The following NLGN3 variants were observed in gnomAD, a reference collection of about 807,000 sequenced individuals.
NLGN3 encodes neuroligin 3.
In NLGN3, 11 loss-of-function variants were observed where a neutral mutation model predicts 42.9. That is an observed-to-expected ratio of 0.26 (90% confidence interval 0.16 to 0.42). The LOEUF (loss-of-function observed/expected upper bound fraction) is 0.42. NLGN3 is among the 10% of genes least tolerant of loss of function. The probability of loss-of-function intolerance (pLI) is 1.00; values close to 1 mark genes in which losing one functional copy is unlikely to be tolerated. For missense variants in NLGN3, 374 were observed against 733.8 expected, an observed-to-expected ratio of 0.51 and a Z score of 5.67; for synonymous variants, 279 against 312.7, an observed-to-expected ratio of 0.89 and a Z score of 1.14.
rs774076850 is a variant in NLGN3 at position 71,148,920 on chromosome X, G to A, written c.517+15G>A. On this transcript the variant is annotated intron_variant, in intron 3 of 7. Coordinates refer to ENST00000358741, the MANE Select transcript of NLGN3 (RefSeq NM_181303.2). Reference sequence around the variant, plus strand: ...TAGGAAAGGAGGTAGGTAGCGAGCCGGCGGGGAGGGAGAGAGAGAGAGAGG... The same window carrying A: ...TAGGAAAGGAGGTAGGTAGCGAGCCAGCGGGGAGGGAGAGAGAGAGAGAGG... 5 of 1,030,287 alleles carry A rather than the reference G, an allele frequency of 4.9e-6. No homozygotes were observed. In the East Asian group the frequency reaches 1.1e-4, roughly 22 times the overall value. 84.9% of individuals were successfully genotyped at this position (1,030,287 alleles called of 1,213,427 possible).
chrX:71,155,419 A>G (rs1569484369), intron 5 of NLGN3, 56 bp downstream of exon 5: 1 of 1,169,637 alleles, frequency 8.5e-7, no homozygotes, highest in East Asian at 3.0e-5. Flanking sequence ...GGGGGGAGGA[A>G]AGAATGCTGG....
At chrX:71,147,040 GTC>G (rs757711046) in intron 1 of NLGN3, among the ~76,000 whole-genome samples, 1 of 111,406 alleles carries the variant, frequency 9.0e-6, no homozygotes, top group Non-Finnish European at 1.9e-5. Flanking sequence ...GGGTGAGGGA[GTC>G]TCTCTGTGGG....
chrX:71,148,184 C>T lies in NLGN3; in HGVS notation c.435C>T (p.Asn145=), dbSNP rs771275997. Residue 145 remains asparagine, a synonymous_variant, in exon 2 of 8, where the codon AAC becomes AAT. Transcript: ENST00000358741. ...QEPNEDCLYL[N]VYVPTEDVKR... ...CCAACGAAGACTGTCTCTACCTGAA[C>T]GTCTATGTGCCGACGGAGGATGGTG... The T allele has an allele frequency of 2.3e-4, 283 of 1,207,995 alleles. No homozygotes were observed. The highest frequency in any genetic ancestry group is 1.3e-3 in the South Asian group (71 of 56,769).
intron 5 of NLGN3, among the ~76,000 whole-genome samples, chrX:71,159,426 G>T (rs912899237): frequency 8.9e-6 from 1 of 112,206 alleles, no homozygotes; most frequent in Non-Finnish European, 1.9e-5. Context: ...TTAAGAACTC[G>T]CACTTGACAG....
In NLGN3 at chrX:71,170,470, T is replaced by A; in HGVS notation, c.*373T>A. On this transcript the variant is annotated 3_prime_UTR_variant, in exon 8 of 8. Coordinates refer to ENST00000358741, the MANE Select transcript of NLGN3 (RefSeq NM_181303.2). ...CTTGGTGCTCGCCTTCGGCCTCTCT[T>A]GGAACTGCACCACCGACCAACTCCA... The A allele has an allele frequency of 1.1e-6, 1 of 897,496 alleles. No individual in the cohort carries two copies. 74.0% of individuals were successfully genotyped at this position (897,496 alleles called of 1,213,427 possible).
Position 71,170,790 on chromosome X carries a change from G to A in NLGN3, c.*693G>A, listed in dbSNP as rs972276155. 30 of 754,622 alleles carry A rather than the reference G, an allele frequency of 4.0e-5. No individual in the cohort carries two copies. The highest frequency in any genetic ancestry group is 3.9e-4 in the African/African-American group (17 of 43,251). 62.2% of individuals were successfully genotyped at this position (754,622 alleles called of 1,213,427 possible). On this transcript the variant is annotated 3_prime_UTR_variant, in exon 8 of 8. Transcript: ENST00000358741. ...TAGCACTGGATGGAGCTGGAGGGTC[G>A]TAGGGGAGAGATCTCCAACTCTCTC...
chrX:71,148,354 C>T, intron 2 of NLGN3, 148 bp downstream of exon 2: 1 of 500,603 alleles, frequency 2.0e-6, no homozygotes, highest in Non-Finnish European at 3.5e-6. Context: ...CCTCCCACCC[C>T]CCTCCCTGTT....
chrX:71,170,743 T>C lies in NLGN3; in HGVS notation c.*646T>C, dbSNP rs1029488067. ...AAGGAAACAGATTTAAGCAAGACCATGGGGTGGAAGGAGAAAGGGGCTAGC... is the reference window on the plus strand; with the variant it reads ...AAGGAAACAGATTTAAGCAAGACCACGGGGTGGAAGGAGAAAGGGGCTAGC... On this transcript the variant is annotated 3_prime_UTR_variant, in exon 8 of 8. Coordinates refer to ENST00000358741, the MANE Select transcript of NLGN3 (RefSeq NM_181303.2). The C allele has an allele frequency of 4.0e-6, 3 of 757,685 alleles. No homozygotes were observed. The highest frequency in any genetic ancestry group is 2.3e-5 in the African/African-American group (1 of 42,992). The allele number at this position is 757,685 out of a possible 1,213,427, so 62.4% of individuals were successfully genotyped here. A position where few individuals can be genotyped will look rare whatever the true frequency, so the allele number is the denominator to read the frequency against.
At chrX:71,145,941 C>T (rs1383861081) in intron 1 of NLGN3, among the ~76,000 whole-genome samples, 2 of 91,710 alleles carry the variant, frequency 2.2e-5, no homozygotes, top group Non-Finnish European at 4.3e-5. Context: ...CACCCACCCA[C>T]TCCCTCCTGC....
intron 7 of NLGN3, among the ~76,000 whole-genome samples, chrX:71,168,115 C>T (rs1035713829): frequency 9.0e-6 from 1 of 110,981 alleles, no homozygotes; most frequent in African/African-American, 3.3e-5. Flanking sequence ...GAGGCAAAGG[C>T]AGGCAGATCA....
chrX:71,171,752 C>G, downstream of NLGN3: 3 of 607,227 alleles, frequency 4.9e-6, no homozygotes, highest in South Asian at 8.5e-5. Flanking sequence ...TGAATTAGAA[C>G]TGGAGAAGTC....
At chrX:71,153,638 G>C (rs934051778) in intron 4 of NLGN3, 102 bp downstream of exon 4, 18 of 802,108 alleles carry the variant, frequency 2.2e-5, no homozygotes, top group Non-Finnish European at 2.9e-5. Flanking sequence ...GTCCGTTGGT[G>C]TGTTTCTGTT....
Position 71,155,208 on chromosome X carries a change from T to C in NLGN3, c.578-6T>C. On this transcript the variant is annotated splice_polypyrimidine_tract_variant and splice_region_variant and intron_variant, in intron 4 of 7. Coordinates refer to ENST00000358741, the MANE Select transcript of NLGN3 (RefSeq NM_181303.2). ...CCAGCCTGTGTCTCACCCCTTCTCC[T>C]TGCAGACATCCGGGACAGTGGTGCT... 8.3e-7 allele frequency: 1 copy of C among 1,211,713 alleles called. No individual in the cohort carries two copies.
At chrX:71,159,537 G>A (rs975860578) in intron 5 of NLGN3, among the ~76,000 whole-genome samples, 2 of 110,491 alleles carry the variant, frequency 1.8e-5, no homozygotes, top group African/African-American at 6.6e-5. Context: ...AACTCAGAAG[G>A]AGTCCTACAC....
intron 1 of NLGN3, among the ~76,000 whole-genome samples, chrX:71,146,153 T>TCA (rs752225810): frequency 0.014 from 356 of 26,228 alleles, 3 homozygotes; most frequent in Non-Finnish European, 0.017. Context: ...TCTCTCTCTC[T>TCA]CACACACACA....
At position 71,170,761 on chromosome X, in the gene NLGN3, G is replaced by C. The variant is rs1407499286; in HGVS notation, c.*664G>C. 2.6e-6 allele frequency: 2 copies of C among 757,464 alleles called. No homozygotes were observed. The highest frequency in any genetic ancestry group is 4.6e-5 in the African/African-American group (2 of 43,209). The allele number at this position is 757,464 out of a possible 1,213,427, so 62.4% of individuals were successfully genotyped here. A position where few individuals can be genotyped will look rare whatever the true frequency, so the allele number is the denominator to read the frequency against. On this transcript the variant is annotated 3_prime_UTR_variant, in exon 8 of 8. Coordinates refer to ENST00000358741, the MANE Select transcript of NLGN3 (RefSeq NM_181303.2). ...AAGACCATGGGGTGGAAGGAGAAAG[G>C]GGCTAGCACTGGATGGAGCTGGAGG...
intron 7 of NLGN3, among the ~76,000 whole-genome samples, 187 bp from the exon 8 acceptor site, chrX:71,169,067 G>T (rs751492416): frequency 5.8e-4 from 64 of 110,942 alleles, no homozygotes; most frequent in African/African-American, 2.0e-3. Flanking sequence ...TGAGCGCCGG[G>T]AAGGAGGATA....
At position 71,146,124 on chromosome X, in the gene NLGN3, TTCTCTC is replaced by T. The variant is rs751338166; in HGVS notation, c.-201+1185_-201+1190del. Among the ~76,000 whole-genome samples the T allele has an allele frequency of 9.0e-3, 442 of 49,056 alleles. 9 individuals carry two copies. The highest frequency in any genetic ancestry group is 0.018 in the African/African-American group (180 of 9,736). 42.6% of individuals were successfully genotyped at this position (49,056 alleles called of 115,157 possible). On this transcript the variant is annotated intron_variant, in intron 1 of 7. Coordinates refer to ENST00000358741, the MANE Select transcript of NLGN3 (RefSeq NM_181303.2). ...CCGCCCTCCCTCCTCTTCCTTTTTC[TTCTCTC>T]TCTCTCTCTCTCTCTCTCTCTCTCA... is the stretch of plus-strand genomic sequence containing the variant.
chrX:71,154,578 TAA>T (rs999228467), intron 4 of NLGN3, among the ~76,000 whole-genome samples: 13 of 112,213 alleles, frequency 1.2e-4, no homozygotes, highest in African/African-American at 3.9e-4. Flanking sequence ...TGCTTCTGGT[TAA>T]GTCTGCCCAG....
Sources: allele counts gnomAD v4.1 joint callset (sites outside exome capture counted in the v4.1 genomes callset), GRCh38; gene constraint gnomAD v4.1.1; transcripts MANE v1.5; gene names NCBI Gene and HGNC (gene_info 2026-07-23, HGNC 2026-07-21).